The following GPR39 variants were observed in gnomAD, a reference collection of about 807,000 sequenced individuals.
GPR39 encodes G protein-coupled receptor 39.
In GPR39, 23 loss-of-function variants were observed where a neutral mutation model predicts 18.4. The observed-to-expected ratio is 1.25, with a 90% CI of 0.90 to 1.77. The LOEUF (loss-of-function observed/expected upper bound fraction) is 1.77. Ranked by LOEUF, GPR39 falls within the 40% of genes most tolerant of loss-of-function variation. GPR39 has a pLI of 0.00. For missense variants in GPR39, 647 were observed against 602.4 expected (o/e 1.07, Z -0.78); for synonymous variants, 280 against 257.9 (o/e 1.09, Z -0.82).
chr2:132,523,437 G>C (rs1679458311), intron 1 of GPR39, among the ~76,000 whole-genome samples: 1 of 151,872 alleles, frequency 6.6e-6, no homozygotes, highest in African/African-American at 2.4e-5. Flanking sequence ...AAATTCTATT[G>C]CCCATCATTG....
intron 1 of GPR39, among the ~76,000 whole-genome samples, chr2:132,446,180 T>C (rs113235880): frequency 0.011 from 1,601 of 152,344 alleles, 30 homozygotes; most frequent in African/African-American, 0.036. Context: ...TACATTTTTA[T>C]TGAGACTCTA....
chr2:132,568,580 C>T (rs1470605708), intron 1 of GPR39, among the ~76,000 whole-genome samples: 1 of 151,944 alleles, frequency 6.6e-6, no homozygotes, highest in Non-Finnish European at 1.5e-5. Flanking sequence ...GTGGTGGGCA[C>T]CTGTAATCCC....
chr2:132,476,465 G>A (rs540392666), intron 1 of GPR39, among the ~76,000 whole-genome samples: 10 of 151,886 alleles, frequency 6.6e-5, no homozygotes, highest in African/African-American at 2.4e-4. Flanking sequence ...GTGAAACCCT[G>A]TCTCCACTAA....
At chr2:132,549,293 C>A (rs1680000253) in intron 1 of GPR39, among the ~76,000 whole-genome samples, 1 of 152,154 alleles carries the variant, frequency 6.6e-6, no homozygotes, top group East Asian at 1.9e-4. Context: ...TACCACACCC[C>A]AAGCCTGTAC....
At chr2:132,445,730 T>C (rs2104767699) in intron 1 of GPR39, among the ~76,000 whole-genome samples, 1 of 152,342 alleles carries the variant, frequency 6.6e-6, no homozygotes, top group Non-Finnish European at 1.5e-5. Flanking sequence ...CCTTGAAATG[T>C]AGCTCTCCAA....
At chr2:132,472,200 A>T (rs997978329) in intron 1 of GPR39, among the ~76,000 whole-genome samples, 1 of 152,128 alleles carries the variant, frequency 6.6e-6, no homozygotes, top group Non-Finnish European at 1.5e-5. Flanking sequence ...CATTAACATC[A>T]TCTTGTCTAA....
chr2:132,534,496 A>C (rs71413508), intron 1 of GPR39, among the ~76,000 whole-genome samples: 29,001 of 130,500 alleles, frequency 0.22, 4,096 homozygotes, highest in East Asian at 0.63. Flanking sequence ...TGGGTATATA[A>C]CCAAATGACT....
chr2:132,449,822 T>C (rs909797653), intron 1 of GPR39, among the ~76,000 whole-genome samples: 3 of 152,146 alleles, frequency 2.0e-5, no homozygotes, highest in Non-Finnish European at 4.4e-5. Flanking sequence ...CTTGGAATTA[T>C]TTTCTCTCTT....
chr2:132,457,758 TA>T lies in GPR39; in HGVS notation c.856+39861del, dbSNP rs553888006. ...CCACAGAGGTGGAGTCTAGAGGCAG[TA>T]GGCCTTGTTGAGCTGTGGTGGGCTC... On this transcript the variant is annotated intron_variant, in intron 1 of 1. Coordinates refer to ENST00000329321, the MANE Select transcript of GPR39 (RefSeq NM_001508.3). 3.5e-4 allele frequency among the ~76,000 whole-genome samples: 54 copies of T among 152,348 alleles called. 1 individual carries two copies. In the South Asian group the frequency reaches 0.011, roughly 30 times the overall value.
At chr2:132,527,772 C>G (rs1679540651) in intron 1 of GPR39, among the ~76,000 whole-genome samples, 1 of 152,148 alleles carries the variant, frequency 6.6e-6, no homozygotes, top group Non-Finnish European at 1.5e-5. Context: ...CCTACTCCCA[C>G]TTTTTATGGG....
At chr2:132,575,545 T>G (rs1680515691) in intron 1 of GPR39, among the ~76,000 whole-genome samples, 1 of 152,198 alleles carries the variant, frequency 6.6e-6, no homozygotes, top group African/African-American at 2.4e-5. Context: ...CCAGAGTGGT[T>G]GTACCATATC....
At chr2:132,595,117 G>A (rs1260642257) in intron 1 of GPR39, among the ~76,000 whole-genome samples, 1 of 152,096 alleles carries the variant, frequency 6.6e-6, no homozygotes, top group East Asian at 1.9e-4. Flanking sequence ...TCCTGCCTCA[G>A]CCTCCTGAGT....
chr2:132,426,022 T>C (rs1001720933), intron 1 of GPR39, among the ~76,000 whole-genome samples: 2 of 152,214 alleles, frequency 1.3e-5, no homozygotes, highest in African/African-American at 2.4e-5. Flanking sequence ...TAATTCACTA[T>C]GTACCAATAG....
At chr2:132,590,902 C>A (rs1056241537) in intron 1 of GPR39, among the ~76,000 whole-genome samples, 2 of 149,264 alleles carry the variant, frequency 1.3e-5, no homozygotes, top group African/African-American at 2.5e-5. Context: ...AGAGACAGAC[C>A]CACCCTCAAC....
intron 1 of GPR39, among the ~76,000 whole-genome samples, chr2:132,527,436 G>A (rs562375561): frequency 2.6e-5 from 4 of 152,194 alleles, no homozygotes; most frequent in South Asian, 2.1e-4. Context: ...AATGATTTAC[G>A]TTCGTTTGGG....
intron 1 of GPR39, among the ~76,000 whole-genome samples, chr2:132,536,322 T>C (rs1258463901): frequency 1.3e-5 from 2 of 152,222 alleles, no homozygotes; most frequent in Non-Finnish European, 2.9e-5. Flanking sequence ...AATTTCTTTA[T>C]TTACCCAGTA....
intron 1 of GPR39, among the ~76,000 whole-genome samples, chr2:132,501,054 G>GTTTTTTTTTT (rs55720929): frequency 4.4e-5 from 4 of 90,292 alleles, no homozygotes; most frequent in African/African-American, 1.6e-4. Context: ...TATCTTTTGT[G>GTTTTTTTTTT]TTTTTTTTTT....
chr2:132,619,201 T>C (rs1410166638), intron 1 of GPR39, among the ~76,000 whole-genome samples: 1 of 152,204 alleles, frequency 6.6e-6, no homozygotes. Context: ...CCCTCTCTTT[T>C]GCCAAGGCCA....
At chr2:132,492,464 T>TATATATAC (rs1681494875) in intron 1 of GPR39, among the ~76,000 whole-genome samples, 2 of 140,146 alleles carry the variant, frequency 1.4e-5, no homozygotes, top group African/African-American at 5.4e-5. Flanking sequence ...ACACCATATA[T>TATATATAC]ACCATATATA....
Sources: gnomAD v4.1 joint callset for allele counts (sites outside exome capture counted in the v4.1 genomes callset) on GRCh38, gnomAD v4.1.1 for gene constraint, MANE v1.5 for transcripts, NCBI Gene and HGNC (gene_info 2026-07-23, HGNC 2026-07-21) for gene names.